Variants in LUZP2 observed in about 807,000 individuals in gnomAD.
LUZP2 encodes the protein leucine zipper protein 2.
Under a neutral mutation model 51.6 loss-of-function variants are expected in LUZP2, and 52 were observed. That is an observed-to-expected ratio of 1.01 (90% CI 0.81 to 1.27). The LOEUF (loss-of-function observed/expected upper bound fraction) is 1.27, where lower values mean the gene tolerates loss of function less well. Among genes scored for constraint, LUZP2 ranks in the 50% most tolerant of loss-of-function variants. The pLI is 0.00. For synonymous variants in LUZP2, 154 were observed against 137.3 expected (o/e 1.12, Z -0.85); for missense variants, 436 against 395.4 (o/e 1.10, Z -0.87).
intron 7 of LUZP2, among the ~76,000 whole-genome samples, chr11:24,944,659 T>C (rs1286014769): frequency 6.6e-6 from 1 of 152,142 alleles, no homozygotes; most frequent in Non-Finnish European, 1.5e-5. Context: ...GAAGTAGCAA[T>C]GCAGTTGCAA....
At chr11:24,798,459 G>A (rs1413918696) in intron 5 of LUZP2, among the ~76,000 whole-genome samples, 1 of 152,102 alleles carries the variant, frequency 6.6e-6, no homozygotes. Context: ...AGCCTCCCAA[G>A]TCTTTGGGAT....
chr11:24,888,624 AGTT>A (rs1852746770), intron 5 of LUZP2, among the ~76,000 whole-genome samples: 1 of 152,112 alleles, frequency 6.6e-6, no homozygotes, highest in South Asian at 2.1e-4. Flanking sequence ...GTTCCCAAAA[AGTT>A]GTAGGAATAT....
chr11:24,597,246 G>T (rs367882211), intron 1 of LUZP2, among the ~76,000 whole-genome samples: 165 of 152,220 alleles, frequency 1.1e-3, no homozygotes, highest in African/African-American at 3.9e-3. Flanking sequence ...ATTAGCATTT[G>T]TCTTAACAGT....
intron 9 of LUZP2, among the ~76,000 whole-genome samples, chr11:25,018,050 T>G (rs867212482): frequency 4.4e-4 from 1 of 2,264 alleles, no homozygotes; most frequent in African/African-American, 7.0e-4. Context: ...TTTTTTTTGT[T>G]TTTTTTTTTG....
chr11:24,878,443 G>A (rs1391423015), intron 5 of LUZP2, among the ~76,000 whole-genome samples: 1 of 151,882 alleles, frequency 6.6e-6, no homozygotes, highest in East Asian at 1.9e-4. Flanking sequence ...TATGTTATTT[G>A]CTTCTTTTCT....
At chr11:24,895,569 A>G (rs955751777) in intron 5 of LUZP2, among the ~76,000 whole-genome samples, 1 of 152,134 alleles carries the variant, frequency 6.6e-6, no homozygotes, top group East Asian at 1.9e-4. Context: ...TATATCCATG[A>G]GTACACAATA....
intron 1 of LUZP2, among the ~76,000 whole-genome samples, chr11:24,703,419 C>T (rs1256788955): frequency 1.7e-4 from 26 of 152,080 alleles, no homozygotes; most frequent in Non-Finnish European, 1.3e-4. Context: ...GGAAGGGAAA[C>T]GTCAAGCCTG....
chr11:24,871,019 A>G (rs1182571730), intron 5 of LUZP2, among the ~76,000 whole-genome samples: 1 of 152,042 alleles, frequency 6.6e-6, no homozygotes, highest in African/African-American at 2.4e-5. Flanking sequence ...TGGAATTCTC[A>G]CTTTCTACAT....
intron 5 of LUZP2, among the ~76,000 whole-genome samples, chr11:24,805,679 G>A (rs1849833683): frequency 6.6e-6 from 1 of 152,124 alleles, no homozygotes; most frequent in Non-Finnish European, 1.5e-5. Flanking sequence ...AGAACCCTGA[G>A]TGGCCATTGA....
At chr11:24,944,214 AT>A (rs1255944346) in intron 7 of LUZP2, among the ~76,000 whole-genome samples, 1 of 152,124 alleles carries the variant, frequency 6.6e-6, no homozygotes, top group Non-Finnish European at 1.5e-5. Flanking sequence ...AGGCATAAAT[AT>A]TTTTTGAAGC....
At position 24,951,221 on chromosome 11, in the gene LUZP2, G is replaced by A. The variant is rs368126685; in HGVS notation, c.523-25370G>A. On this transcript the variant is annotated intron_variant, in intron 7 of 11. Transcript: ENST00000336930. ...TGCCAAATACTATTAAAGCAACGTTGGGCCACACAGGCTTTTTAGCCTTTT... is the reference window on the plus strand; with the variant it reads ...TGCCAAATACTATTAAAGCAACGTTAGGCCACACAGGCTTTTTAGCCTTTT... Among the ~76,000 whole-genome samples the A allele has an allele frequency of 1.4e-4, 21 of 151,546 alleles. 2 individuals carry two copies. The highest frequency in any genetic ancestry group is 9.7e-4 in the East Asian group (5 of 5,160).
intron 7 of LUZP2, among the ~76,000 whole-genome samples, chr11:24,929,819 C>T (rs774729013): frequency 8.5e-5 from 13 of 152,056 alleles, no homozygotes; most frequent in African/African-American, 1.2e-4. Flanking sequence ...CAGTGGGGTA[C>T]TGAAGTGTTC....
chr11:24,671,160 T>G (rs1018497814), intron 1 of LUZP2, among the ~76,000 whole-genome samples: 9 of 151,952 alleles, frequency 5.9e-5, no homozygotes, highest in African/African-American at 9.7e-5. Flanking sequence ...GACATATTTT[T>G]GGGCCTCATT....
chr11:24,784,651 A>T (rs1032515029), intron 5 of LUZP2, among the ~76,000 whole-genome samples: 1 of 151,990 alleles, frequency 6.6e-6, no homozygotes, highest in Non-Finnish European at 1.5e-5. Context: ...AGTCCAATTC[A>T]TGTTCACTCA....
chr11:24,577,853 T>C (rs769281514), intron 1 of LUZP2, among the ~76,000 whole-genome samples: 1 of 152,144 alleles, frequency 6.6e-6, no homozygotes, highest in Non-Finnish European at 1.5e-5. Context: ...GTATCAGAAA[T>C]TGCAGTTACA....
At chr11:25,050,317 T>A (rs1371113348) in intron 10 of LUZP2, among the ~76,000 whole-genome samples, 187 bp downstream of exon 10, 22 of 137,650 alleles carry the variant, frequency 1.6e-4, no homozygotes, top group Admixed American at 6.0e-4. Flanking sequence ...TTTTTTTTTT[T>A]TTGAGACGGA....
chr11:24,823,895 C>G (rs951008544), intron 5 of LUZP2, among the ~76,000 whole-genome samples: 1 of 151,900 alleles, frequency 6.6e-6, no homozygotes, highest in Non-Finnish European at 1.5e-5. Context: ...AACCCTGTCT[C>G]TACTAAAAAT....
intron 5 of LUZP2, among the ~76,000 whole-genome samples, chr11:24,851,575 T>G (rs1375286500): frequency 6.6e-6 from 1 of 152,024 alleles, no homozygotes; most frequent in South Asian, 2.1e-4. Context: ...TTTGTTTTTC[T>G]TTTGTTGTTG....
At chr11:24,763,538 T>C (rs965428632) in intron 5 of LUZP2, among the ~76,000 whole-genome samples, 1 of 152,152 alleles carries the variant, frequency 6.6e-6, no homozygotes, top group African/African-American at 2.4e-5. Flanking sequence ...CATTTTTCTT[T>C]CTAATTATAT....
Sources: allele counts gnomAD v4.1 joint callset (sites outside exome capture counted in the v4.1 genomes callset), GRCh38; gene constraint gnomAD v4.1.1; transcripts MANE v1.5; gene names NCBI Gene and HGNC (gene_info 2026-07-23, HGNC 2026-07-21).